The following SH3RF1 variants were observed in gnomAD, a reference collection of about 807,000 sequenced individuals.
SH3RF1 encodes the protein SH3 domain containing ring finger 1.
Under a neutral mutation model 74.0 loss-of-function variants are expected in SH3RF1, and 32 were observed. The observed-to-expected ratio is 0.43, with a 90% CI of 0.33 to 0.58. The LOEUF is 0.58. Ranked by LOEUF, SH3RF1 falls within the 20% of genes least tolerant of loss-of-function variation. The probability of loss-of-function intolerance (pLI) is 0.05; values close to 1 mark genes in which losing one functional copy is unlikely to be tolerated. For missense variants in SH3RF1, 954 were observed against 1,130.9 expected, an observed-to-expected ratio of 0.84 and a Z score of 2.24; for synonymous variants, 396 against 439.6, an observed-to-expected ratio of 0.90 and a Z score of 1.24.
intron 2 of SH3RF1, among the ~76,000 whole-genome samples, chr4:169,210,928 C>A (rs1170122763): frequency 6.6e-6 from 1 of 152,198 alleles, no homozygotes; most frequent in Non-Finnish European, 1.5e-5. Context: ...GCAAATTGTT[C>A]TTTACACAAT....
intron 2 of SH3RF1, among the ~76,000 whole-genome samples, chr4:169,190,200 A>G (rs2706739): frequency 0.47 from 71,367 of 151,846 alleles, 18,043 homozygotes; most frequent in East Asian, 0.78. Flanking sequence ...GAACCCAGCA[A>G]AAGAAAGGAA....
intron 2 of SH3RF1, among the ~76,000 whole-genome samples, chr4:169,257,813 T>G (rs1475938894): frequency 6.6e-6 from 1 of 152,190 alleles, no homozygotes; most frequent in Non-Finnish European, 1.5e-5. Context: ...CAGCCCTATT[T>G]AGAGCTTAAT....
chr4:169,116,761 G>A (rs1733341212), intron 9 of SH3RF1, 131 bp from the exon 10 acceptor site: 3 of 1,244,706 alleles, frequency 2.4e-6, no homozygotes, highest in East Asian at 5.3e-5. Context: ...ATAAAGATGG[G>A]ATGGACGGTG....
chr4:169,169,656 T>G (rs1478058107), intron 2 of SH3RF1, among the ~76,000 whole-genome samples: 1 of 152,100 alleles, frequency 6.6e-6, no homozygotes, highest in East Asian at 1.9e-4. Context: ...CTGGTTTTGT[T>G]TAAAGGTGAG....
intron 4 of SH3RF1, among the ~76,000 whole-genome samples, chr4:169,154,174 G>A (rs1035288993): frequency 2.0e-5 from 3 of 152,150 alleles, no homozygotes; most frequent in African/African-American, 4.8e-5. Flanking sequence ...GACTGCCTGT[G>A]AGTTAAGGGT....
At chr4:169,237,870 T>A (rs904644287) in intron 2 of SH3RF1, among the ~76,000 whole-genome samples, 1 of 151,976 alleles carries the variant, frequency 6.6e-6, no homozygotes, top group Non-Finnish European at 1.5e-5. Context: ...AATTTATGAT[T>A]TCCCCCCCGC....
At chr4:169,148,171 T>C (rs1233510294) in intron 4 of SH3RF1, among the ~76,000 whole-genome samples, 2 of 151,752 alleles carry the variant, frequency 1.3e-5, no homozygotes, top group Non-Finnish European at 2.9e-5. Context: ...TGGATAATAA[T>C]AGTGATTCTG....
chr4:169,236,601 G>A (rs538169193), intron 2 of SH3RF1, among the ~76,000 whole-genome samples: 11 of 152,202 alleles, frequency 7.2e-5, no homozygotes, highest in Admixed American at 3.9e-4. Context: ...CAACTACTTC[G>A]TAGTGTTGCT....
chr4:169,170,660 A>T (rs1015853961), intron 2 of SH3RF1, among the ~76,000 whole-genome samples: 1 of 152,200 alleles, frequency 6.6e-6, no homozygotes, highest in African/African-American at 2.4e-5. Flanking sequence ...GAATCAGCTC[A>T]TTAGATGACT....
At chr4:169,239,301 A>G (rs1477766756) in intron 2 of SH3RF1, among the ~76,000 whole-genome samples, 1 of 152,106 alleles carries the variant, frequency 6.6e-6, no homozygotes, top group Non-Finnish European at 1.5e-5. Context: ...TGAAAGAAAC[A>G]CTGAAGGCCA....
rs537477803 is a variant in SH3RF1 at position 169,172,323 on chromosome 4, G to A, written c.394-15644C>T. ...ACAGAAAGGAGGACTGTACTATCAT[G>A]AGTAATTCCTCCTTATTTTAAGAAT... is the stretch of plus-strand genomic sequence containing the variant. On this transcript the variant is annotated intron_variant, in intron 2 of 11. Transcript: ENST00000284637. Among the ~76,000 whole-genome samples the A allele has an allele frequency of 5.3e-5, 8 of 152,324 alleles. No homozygotes were observed. The South Asian group carries it at 1.7e-3, about 32-fold the overall frequency.
At chr4:169,205,326 A>T (rs1357349716) in intron 2 of SH3RF1, among the ~76,000 whole-genome samples, 3 of 152,364 alleles carry the variant, frequency 2.0e-5, no homozygotes, top group Middle Eastern at 6.8e-3. Context: ...CCACATGTGT[A>T]TGTCTTTGGA....
intron 2 of SH3RF1, among the ~76,000 whole-genome samples, chr4:169,199,862 T>C (rs1270207325): frequency 6.6e-6 from 1 of 152,144 alleles, no homozygotes; most frequent in African/African-American, 2.4e-5. Context: ...TGTAAATTAA[T>C]CTACCAGTTA....
intron 4 of SH3RF1, among the ~76,000 whole-genome samples, chr4:169,142,159 C>A (rs1250717628): frequency 6.6e-6 from 1 of 151,742 alleles, no homozygotes; most frequent in Non-Finnish European, 1.5e-5. Flanking sequence ...TTTCACCATA[C>A]TGGTCAGGCT....
intron 2 of SH3RF1, among the ~76,000 whole-genome samples, chr4:169,249,667 C>A (rs781559968): frequency 6.6e-6 from 1 of 152,176 alleles, no homozygotes; most frequent in Non-Finnish European, 1.5e-5. Flanking sequence ...TCCAATCCCC[C>A]CGTTGGAGAC....
chr4:169,210,359 C>A (rs79847430), intron 2 of SH3RF1, among the ~76,000 whole-genome samples: 4,555 of 152,236 alleles, frequency 0.03, 243 homozygotes, highest in African/African-American at 0.1. Flanking sequence ...CCTTATATGA[C>A]TACTTGGCTC....
chr4:169,232,846 A>G (rs886396940), intron 2 of SH3RF1, among the ~76,000 whole-genome samples: 1 of 152,168 alleles, frequency 6.6e-6, no homozygotes, highest in African/African-American at 2.4e-5. Context: ...AATAAGCAAG[A>G]CTTCAGTTTA....
chr4:169,224,449 C>T (rs1440750480), intron 2 of SH3RF1, among the ~76,000 whole-genome samples: 1 of 152,094 alleles, frequency 6.6e-6, no homozygotes, highest in Non-Finnish European at 1.5e-5. Context: ...TCCCAAGTAG[C>T]TGGGATTACA....
At chr4:169,168,183 C>T (rs1333820434) in intron 2 of SH3RF1, among the ~76,000 whole-genome samples, 1 of 151,054 alleles carries the variant, frequency 6.6e-6, no homozygotes, top group African/African-American at 2.5e-5. Context: ...GAGTAACAAG[C>T]CACACTGGCT....
Sources: allele counts gnomAD v4.1 joint callset (sites outside exome capture counted in the v4.1 genomes callset), GRCh38; gene constraint gnomAD v4.1.1; transcripts MANE v1.5; gene names NCBI Gene and HGNC (gene_info 2026-07-23, HGNC 2026-07-21).